HDAC4: variants seen among roughly 807,000 people sequenced by gnomAD.
The protein encoded by HDAC4 is histone deacetylase 4, also known as histone deacetylase A.
HDAC4 carries 16 observed loss-of-function variants against 135.1 expected under a neutral mutation model. That is an observed-to-expected ratio of 0.12 (90% CI 0.08 to 0.18). The LOEUF (loss-of-function observed/expected upper bound fraction) is 0.18, where lower values mean the gene tolerates loss of function less well. HDAC4 is among the 10% of genes least tolerant of loss of function. The pLI, the probability that HDAC4 is intolerant of heterozygous loss-of-function variation, is 1.00. For synonymous variants in HDAC4, 685 were observed against 653.4 expected (o/e 1.05, Z -0.74); for missense variants, 1,143 against 1,511.8 (o/e 0.76, Z 4.05).
chr2:239,143,775 G>C (rs2041567338), intron 8 of HDAC4, among the ~76,000 whole-genome samples: 1 of 152,230 alleles, frequency 6.6e-6, no homozygotes, highest in Non-Finnish European at 1.5e-5. Context: ...TAGGTCAACA[G>C]CCTGCTCAGT....
At chr2:239,102,976 A>G (rs975147414) in intron 15 of HDAC4, 80 bp from the exon 16 acceptor site, 35 of 1,568,288 alleles carry the variant, frequency 2.2e-5, no homozygotes, top group Non-Finnish European at 4.4e-6. Context: ...CTCCAACTGA[A>G]ACCATTGCCC....
rs1477371456 is a variant in HDAC4 at position 239,262,966 on chromosome 2, G to A, written c.23-26302C>T. ...GCTTCACGAAAGATCTACGCGTGAA[G>A]CCCCCGGGAAGCCAAGCCCCAGGAA... On this transcript the variant is annotated intron_variant, in intron 2 of 26. Transcript: ENST00000543185. The surrounding 1 kb of genome is among the most constrained non-coding windows in gnomAD (Gnocchi z 4.1). Among the ~76,000 whole-genome samples, 1 of 151,982 alleles carries A rather than the reference G, an allele frequency of 6.6e-6. No homozygotes were observed. Among genetic ancestry groups the A allele is most frequent in the East Asian group, 1.9e-4 (1 of 5,154 alleles).
At chr2:239,130,913 A>G (rs1444477412) in intron 11 of HDAC4, among the ~76,000 whole-genome samples, 1 of 152,186 alleles carries the variant, frequency 6.6e-6, no homozygotes, top group Non-Finnish European at 1.5e-5. Flanking sequence ...TCATGCCCAC[A>G]GTTTTGCGTC....
rs1222435682 is a variant in HDAC4 at position 239,308,763 on chromosome 2, C to T, written c.22+43915G>A. Among the ~76,000 whole-genome samples, 3 of 152,176 alleles carry T rather than the reference C, an allele frequency of 2.0e-5. No homozygotes were observed. The highest frequency in any genetic ancestry group is 1.9e-4 in the East Asian group (1 of 5,190). The stretch of plus-strand genomic sequence containing the variant: ...AAGTGCCAAGACTGCTGTCCGCCAG[C>T]GCCCTCACTCCCCCAGGGCCTGTAC... On this transcript the variant is annotated intron_variant, in intron 2 of 26. Coordinates refer to ENST00000543185, the MANE Select transcript of HDAC4 (RefSeq NM_001378414.1). The surrounding 1 kb of genome is among the most constrained non-coding windows in gnomAD (Gnocchi z 4.2).
intron 3 of HDAC4, among the ~76,000 whole-genome samples, chr2:239,215,007 A>G (rs569505494): frequency 8.5e-5 from 13 of 152,344 alleles, no homozygotes; most frequent in African/African-American, 2.9e-4. Context: ...ATCGACGGCA[A>G]GCAGGCTCTA....
At chr2:239,190,638 G>A (rs556344750) in intron 3 of HDAC4, among the ~76,000 whole-genome samples, 1 of 152,304 alleles carries the variant, frequency 6.6e-6, no homozygotes, top group African/African-American at 2.4e-5. Context: ...GGTGAGACAA[G>A]CGCCCCCTTG....
At chr2:239,172,931 T>A (rs1325855400) in intron 5 of HDAC4, among the ~76,000 whole-genome samples, 2 of 152,126 alleles carry the variant, frequency 1.3e-5, no homozygotes, top group East Asian at 1.9e-4. Context: ...ATATTTCTTT[T>A]AAAAAAATAC....
chr2:239,093,296 G>A (rs576770279), intron 17 of HDAC4, among the ~76,000 whole-genome samples: 2 of 152,210 alleles, frequency 1.3e-5, no homozygotes, highest in South Asian at 2.1e-4. Context: ...TTCGGGGAAG[G>A]TGGCTGGCTC....
intron 1 of HDAC4, among the ~76,000 whole-genome samples, chr2:239,358,275 T>C (rs969482978): frequency 1.1e-4 from 17 of 152,324 alleles, no homozygotes; most frequent in African/African-American, 4.1e-4. Context: ...GACTCACAGA[T>C]AGTTACGTTA....
intron 15 of HDAC4, among the ~76,000 whole-genome samples, chr2:239,103,228 G>A (rs531817178): frequency 6.6e-6 from 1 of 152,276 alleles, no homozygotes; most frequent in South Asian, 2.1e-4. Context: ...CCAGGGTCTG[G>A]TCTTAAAATA....
At chr2:239,116,078 C>G (rs1575082025) in intron 12 of HDAC4, among the ~76,000 whole-genome samples, 1 of 152,194 alleles carries the variant, frequency 6.6e-6, no homozygotes, top group Non-Finnish European at 1.5e-5. Context: ...GTCTCCCTCC[C>G]CGGCCTCTCA....
At chr2:239,287,832 A>G (rs1302859997) in intron 2 of HDAC4, among the ~76,000 whole-genome samples, 1 of 152,242 alleles carries the variant, frequency 6.6e-6, no homozygotes, top group South Asian at 2.1e-4. Context: ...CCAGAAGCAA[A>G]TCTATGACAA....
At chr2:239,215,092 T>C (rs939392104) in intron 3 of HDAC4, among the ~76,000 whole-genome samples, 2 of 152,178 alleles carry the variant, frequency 1.3e-5, no homozygotes, top group African/African-American at 4.8e-5. Flanking sequence ...TTGTGATCTA[T>C]GATTTGACTG....
chr2:239,089,731 T>G, intron 18 of HDAC4: 1 of 364,888 alleles, frequency 2.7e-6, no homozygotes, highest in Non-Finnish European at 5.0e-6. Context: ...TTTGGAGCTT[T>G]TTTTTTTTTT....
At chr2:239,110,369 G>C (rs1000900163) in intron 14 of HDAC4, among the ~76,000 whole-genome samples, 3 of 152,228 alleles carry the variant, frequency 2.0e-5, no homozygotes, top group Non-Finnish European at 4.4e-5. Context: ...GGACCAGCCA[G>C]GGTGGGCCAG....
At chr2:239,239,283 A>T (rs1575494094) in intron 2 of HDAC4, among the ~76,000 whole-genome samples, 1 of 152,350 alleles carries the variant, frequency 6.6e-6, no homozygotes, top group East Asian at 1.9e-4. Context: ...AAGGGCTCAC[A>T]AAACTCAGAA....
chr2:239,390,152 C>A (rs541676312), intron 1 of HDAC4, among the ~76,000 whole-genome samples: 1 of 152,292 alleles, frequency 6.6e-6, no homozygotes, highest in African/African-American at 2.4e-5. Flanking sequence ...TCTAGGAAAA[C>A]AAGCCAAACA....
At chr2:239,346,425 C>T (rs1486018409) in intron 2 of HDAC4, among the ~76,000 whole-genome samples, 1 of 151,692 alleles carries the variant, frequency 6.6e-6, no homozygotes, top group Non-Finnish European at 1.5e-5. Flanking sequence ...AGGACACACA[C>T]ACCCTGTTTA....
At position 239,176,477 on chromosome 2, in the gene HDAC4, C is replaced by A. The variant is rs1398454505; in HGVS notation, c.426G>T (p.Glu142Asp). 3.1e-6 allele frequency: 5 copies of A among 1,613,458 alleles called. No homozygotes were observed. Among genetic ancestry groups the A allele is most frequent in the Non-Finnish European group, 3.4e-6 (4 of 1,179,860 alleles). Reference sequence around the variant, plus strand: ...TCTGCTCCCGGTGCTGCTTCTCCAGCTCCTGCTCCTGGCGGTGCCTCTCCA... The same window carrying A: ...TCTGCTCCCGGTGCTGCTTCTCCAGATCCTGCTCCTGGCGGTGCCTCTCCA... Reference protein sequence around the residue: ...RKLERHRQEQELEKQHREQKL... With the variant: ...RKLERHRQEQDLEKQHREQKL... Residue 142 changes from glutamate to aspartate, a missense_variant, in exon 5 of 27, where the codon GAG becomes GAT. Physicochemically the swap from Glu to Asp is conservative, Grantham distance 45 (BLOSUM62 2). Transcript: ENST00000543185.
Sources: gnomAD v4.1 joint callset for allele counts (sites outside exome capture counted in the v4.1 genomes callset) on GRCh38, gnomAD v4.1.1 for gene constraint, Gnocchi (gnomAD v3.1) non-coding constraint, MANE v1.5 for transcripts, NCBI Gene and HGNC (gene_info 2026-07-23, HGNC 2026-07-21) for gene names.